NPLOC4: variants seen among roughly 807,000 people sequenced by gnomAD.
NPLOC4 encodes NPL4 homolog, ubiquitin recognition factor.
In NPLOC4, 18 loss-of-function variants were observed where a neutral mutation model predicts 80.6. The observed-to-expected ratio is 0.22, with a 90% CI of 0.15 to 0.33. The LOEUF is 0.33. Ranked by LOEUF, NPLOC4 falls within the 10% of genes least tolerant of loss-of-function variation. The pLI is 1.00. For synonymous variants in NPLOC4, 313 were observed against 301.5 expected (o/e 1.04, Z -0.39); for missense variants, 540 against 786.1 (o/e 0.69, Z 3.74).
At chr17:81,618,309 G>A (rs1461908800) in intron 3 of NPLOC4, among the ~76,000 whole-genome samples, 6 of 142,466 alleles carry the variant, frequency 4.2e-5, no homozygotes, top group South Asian at 2.3e-4. Flanking sequence ...CTGCCCCGCC[G>A]CCCCGTCTGG....
At chr17:81,616,896 G>C (rs1303899846) in intron 3 of NPLOC4, among the ~76,000 whole-genome samples, 3 of 152,216 alleles carry the variant, frequency 2.0e-5, no homozygotes, top group East Asian at 3.8e-4. Flanking sequence ...GAGGGTGAGT[G>C]ACAGAGGCTA....
Position 81,567,563 on chromosome 17 carries a change from C to T in NPLOC4, c.1450-30G>A, listed in dbSNP as rs778287536. 19 of 1,371,218 alleles carry T rather than the reference C, an allele frequency of 1.4e-5. No homozygotes were observed. Among genetic ancestry groups the T allele is most frequent in the Non-Finnish European group, 2.0e-5 (19 of 968,100 alleles). 84.9% of individuals were successfully genotyped at this position (1,371,218 alleles called of 1,614,324 possible). A position where few individuals can be genotyped will look rare whatever the true frequency, so the allele number is the denominator to read the frequency against. On this transcript the variant is annotated intron_variant, in intron 14 of 16. Coordinates refer to ENST00000331134, the MANE Select transcript of NPLOC4 (RefSeq NM_017921.4). This position sits in a 1 kb window ranked among gnomAD's most constrained non-coding sequence, Gnocchi z 4.5. The stretch of plus-strand genomic sequence containing the variant: ...AGGAATGGGAATAAACATGAATGTT[C>T]CATACAGTTCCCCAGTGCCAGACCC...
At chr17:81,583,051 G>A (rs1315803444) in intron 12 of NPLOC4, among the ~76,000 whole-genome samples, 1 of 152,268 alleles carries the variant, frequency 6.6e-6, no homozygotes, top group East Asian at 1.9e-4. Flanking sequence ...ACGTGACGCA[G>A]AGTGTGTGTG....
chr17:81,603,887 T>C (rs970337812), intron 8 of NPLOC4, among the ~76,000 whole-genome samples: 8 of 152,214 alleles, frequency 5.3e-5, no homozygotes, highest in African/African-American at 9.7e-5. Flanking sequence ...ACTACATCAT[T>C]ATACATAATT....
In NPLOC4 at chr17:81,572,659, C is replaced by T. The variant is rs1218894642; in HGVS notation, c.1282-571G>A. Among the ~76,000 whole-genome samples, 2 of 152,194 alleles carry T rather than the reference C, an allele frequency of 1.3e-5. No homozygotes were observed. The highest frequency in any genetic ancestry group is 4.8e-5 in the African/African-American group (2 of 41,466). On this transcript the variant is annotated intron_variant, in intron 12 of 16. Coordinates refer to ENST00000331134, the MANE Select transcript of NPLOC4 (RefSeq NM_017921.4). The surrounding 1 kb of genome is among the most constrained non-coding windows in gnomAD (Gnocchi z 4.5). ...GCACTGGGACTCCCCACTGGGAGAG[C>T]ACATCAAATGCCTCCTCTCCACCCA...
chr17:81,608,525 A>G (rs963254195), intron 6 of NPLOC4, among the ~76,000 whole-genome samples: 2 of 152,232 alleles, frequency 1.3e-5, no homozygotes, highest in African/African-American at 4.8e-5. Context: ...AGCCTGGGCA[A>G]CATAGTGAGA....
At chr17:81,635,140 G>T (rs1412741829) in intron 1 of NPLOC4, among the ~76,000 whole-genome samples, 1 of 151,812 alleles carries the variant, frequency 6.6e-6, no homozygotes, top group Non-Finnish European at 1.5e-5. Flanking sequence ...AGAAGTTCGA[G>T]ATCAACCTGG....
chr17:81,571,992 C>T (rs1334720187), intron 13 of NPLOC4, 25 bp downstream of exon 13: 7 of 1,574,258 alleles, frequency 4.4e-6, no homozygotes, highest in Non-Finnish European at 6.1e-6. Flanking sequence ...TCCACCTGCC[C>T]AAGCTGTGCA....
At chr17:81,633,854 C>T (rs1262172086) in intron 1 of NPLOC4, among the ~76,000 whole-genome samples, 2 of 149,514 alleles carry the variant, frequency 1.3e-5, no homozygotes, top group South Asian at 2.2e-4. Context: ...TATAGGCGCC[C>T]GCCACCGCGC....
At chr17:81,604,950 C>G (rs1276337226) in intron 7 of NPLOC4, among the ~76,000 whole-genome samples, 1 of 152,098 alleles carries the variant, frequency 6.6e-6, no homozygotes, top group East Asian at 1.9e-4. Flanking sequence ...CAGAGTGAGA[C>G]CCCTTGTATC....
At chr17:81,601,548 C>T (rs74002463) in intron 8 of NPLOC4, among the ~76,000 whole-genome samples, 1,871 of 152,252 alleles carry the variant, frequency 0.012, 44 homozygotes, top group African/African-American at 0.043. Flanking sequence ...TGAGCCACCA[C>T]GGCTGGCCTC....
Position 81,567,542 on chromosome 17 carries a change from A to G in NPLOC4, c.1450-9T>C. 6.5e-7 allele frequency: 1 copy of G among 1,535,300 alleles called. No homozygotes were observed. The highest frequency in any genetic ancestry group is 9.0e-7 in the Non-Finnish European group (1 of 1,110,782). ...GCCAAGCTATGGAAGTCCTAGAGGA[A>G]TGGGAATAAACATGAATGTTCCATA... On this transcript the variant is annotated splice_polypyrimidine_tract_variant and intron_variant, in intron 14 of 16. Transcript: ENST00000331134. The surrounding 1 kb of genome is among the most constrained non-coding windows in gnomAD (Gnocchi z 4.5).
intron 12 of NPLOC4, among the ~76,000 whole-genome samples, chr17:81,586,379 G>C (rs985168569): frequency 3.3e-5 from 5 of 152,094 alleles, no homozygotes; most frequent in African/African-American, 1.2e-4. Flanking sequence ...GGTAGCCAAG[G>C]TGGGCAAATC....
rs2039778391 is a variant in NPLOC4 at position 81,636,964 on chromosome 17, G to A, written c.-34C>T. 3 of 1,261,246 alleles carry A rather than the reference G, an allele frequency of 2.4e-6. No individual in the cohort carries two copies. The highest frequency in any genetic ancestry group is 2.7e-5 in the South Asian group (1 of 37,258). The allele number at this position is 1,261,246 out of a possible 1,614,324, so 78.1% of individuals were successfully genotyped here. A position where few individuals can be genotyped will look rare whatever the true frequency, so the allele number is the denominator to read the frequency against. ...CTCCTGCCTCCGGGCTCGAGCCCCG[G>A]GCCGCCGCCGCCTGCCGCCCCAAGG... On this transcript the variant is annotated 5_prime_UTR_variant, in exon 1 of 17. Coordinates refer to ENST00000331134, the MANE Select transcript of NPLOC4 (RefSeq NM_017921.4).
intron 11 of NPLOC4, among the ~76,000 whole-genome samples, chr17:81,591,698 G>T (rs1000023393): frequency 5.3e-5 from 8 of 152,132 alleles, no homozygotes; most frequent in African/African-American, 1.7e-4. Context: ...GTCCTGATGG[G>T]TTTGTGTAAC....
At chr17:81,618,121 G>A (rs373165450) in intron 3 of NPLOC4, among the ~76,000 whole-genome samples, 4 of 144,296 alleles carry the variant, frequency 2.8e-5, no homozygotes, top group Non-Finnish European at 4.5e-5. Context: ...GCCGCCCATC[G>A]TCTGGGATGT....
rs2034179055 is a variant in NPLOC4 at position 81,572,184 on chromosome 17, ATTTAT to A, written c.1282-101_1282-97del. ...GTCTCACCTTTTATTTAATTAATTAATTTATTTATTTATTTATTTTTTGAGACAGA... is the reference window on the plus strand; with the variant it reads ...GTCTCACCTTTTATTTAATTAATTAATTATTTATTTATTTTTTGAGACAGA... On this transcript the variant is annotated intron_variant, in intron 12 of 16. Coordinates refer to ENST00000331134, the MANE Select transcript of NPLOC4 (RefSeq NM_017921.4). This position sits in a 1 kb window ranked among gnomAD's most constrained non-coding sequence, Gnocchi z 4.5. 1 of 529,290 alleles carries A rather than the reference ATTTAT, an allele frequency of 1.9e-6. No individual in the cohort carries two copies. The highest frequency in any genetic ancestry group is 4.2e-5 in the Admixed American group (1 of 23,904). The allele number at this position is 529,290 out of a possible 1,614,324, so 32.8% of individuals were successfully genotyped here.
At chr17:81,579,324 G>A (rs1850283875) in intron 12 of NPLOC4, among the ~76,000 whole-genome samples, 1 of 152,222 alleles carries the variant, frequency 6.6e-6, no homozygotes, top group Non-Finnish European at 1.5e-5. Context: ...ATTGCAGTGA[G>A]CCAAGATCGT....
rs376992052 is a variant in NPLOC4, at chr17:81,600,357, T to G, written c.905A>C (p.Lys302Thr). Residue 302 changes from lysine (K) to threonine (T), a missense_variant, in exon 9 of 17, where the codon AAA becomes ACA. Lys to Thr is a moderately conservative substitution (Grantham distance 78, BLOSUM62 -1). This residue lies in a region of NPLOC4 where 251 missense variants were observed against 377.5 expected (regional missense o/e 0.66). Transcript: ENST00000331134. ...KAEVVDEIAA[K>T]LGLRKVGWIF... ...CCTCAGTACCTTCCGCAGGCCAAGT[T>G]TGGCAGCAATTTCATCGACCACTTC... is the stretch of plus-strand genomic sequence containing the variant. The G allele has an allele frequency of 8.7e-6, 14 of 1,611,558 alleles. No homozygotes were observed. The highest frequency in any genetic ancestry group is 1.1e-5 in the Non-Finnish European group (13 of 1,179,036).
Sources: allele counts gnomAD v4.1 joint callset (sites outside exome capture counted in the v4.1 genomes callset), GRCh38; gene constraint gnomAD v4.1.1; regional missense constraint gnomAD v4.1.1; non-coding constraint Gnocchi (gnomAD v3.1); transcripts MANE v1.5; gene names NCBI Gene and HGNC (gene_info 2026-07-23, HGNC 2026-07-21).